Variants in CCDC18 observed in about 807,000 individuals in gnomAD.
CCDC18 encodes the protein coiled-coil domain containing 18.
CCDC18 carries 157 observed loss-of-function variants against 196.0 expected under a neutral mutation model. The observed-to-expected ratio is 0.80, with a 90% CI of 0.70 to 0.91. The LOEUF (loss-of-function observed/expected upper bound fraction) is 0.91, where lower values mean the gene tolerates loss of function less well. Ranked by LOEUF, CCDC18 falls within the 40% of genes least tolerant of loss-of-function variation. CCDC18 has a pLI of 0.00. For synonymous variants in CCDC18, 482 were observed against 529.2 expected (o/e 0.91, Z 1.22); for missense variants, 1,465 against 1,611.6 (o/e 0.91, Z 1.56).
chr1:93,206,609 CTTG>C (rs2101911425), intron 8 of CCDC18, among the ~76,000 whole-genome samples: 1 of 152,154 alleles, frequency 6.6e-6, no homozygotes, highest in South Asian at 2.1e-4. Context: ...GCCATTAAGA[CTTG>C]TTGATGCAGT....
At chr1:93,220,494 T>C (rs1370848349) in intron 14 of CCDC18, among the ~76,000 whole-genome samples, 1 of 152,112 alleles carries the variant, frequency 6.6e-6, no homozygotes, top group Non-Finnish European at 1.5e-5. Context: ...TTTTATAATA[T>C]CTATGGCAGT....
rs922072891 is a variant in CCDC18, at chr1:93,183,577, TG to T, written c.134+83del. The T allele has an allele frequency of 1.4e-4, 136 of 1,003,540 alleles. No individual in the cohort carries two copies. The African/African-American group carries it at 2.0e-3, about 15-fold the overall frequency. 62.2% of individuals were successfully genotyped at this position (1,003,540 alleles called of 1,614,324 possible). Reference sequence around the variant, plus strand: ...ATGTGTGGATTTCATTATGATGTATTGTTTCTAACCTGCCTCTGGAATAAGA... The same window carrying T: ...ATGTGTGGATTTCATTATGATGTATTTTTCTAACCTGCCTCTGGAATAAGA... On this transcript the variant is annotated intron_variant, in intron 2 of 28. Transcript: ENST00000690025.
chr1:93,217,900 T>C, intron 14 of CCDC18, 31 bp downstream of exon 14: 1 of 1,555,162 alleles, frequency 6.4e-7, no homozygotes, highest in Non-Finnish European at 8.8e-7. Flanking sequence ...ATATGAGTGC[T>C]GAAAAGAAAC....
intron 3 of CCDC18, among the ~76,000 whole-genome samples, chr1:93,185,575 TA>T (rs147414812): frequency 0.03 from 4,412 of 149,086 alleles, 218 homozygotes; most frequent in African/African-American, 0.1. Context: ...ATTGTTCAAG[TA>T]AAAAAAAAAT....
Position 93,236,151 on chromosome 1 carries a change from T to C in CCDC18, c.2461-97T>C, listed in dbSNP as rs910746931. 2.6e-5 allele frequency: 27 copies of C among 1,021,248 alleles called. No homozygotes were observed. In the African/African-American group the frequency reaches 3.7e-4, roughly 14 times the overall value. The allele number at this position is 1,021,248 out of a possible 1,614,324, so 63.3% of individuals were successfully genotyped here. A position where few individuals can be genotyped will look rare whatever the true frequency, so the allele number is the denominator to read the frequency against. On this transcript the variant is annotated intron_variant, in intron 18 of 28. Coordinates refer to ENST00000690025, the MANE Select transcript of CCDC18 (RefSeq NM_001378204.1). ...ATTACTTCTTGGTCTATATGTTGATTTTTATGATACATCTTGAAACTGATA... is the reference window on the plus strand; with the variant it reads ...ATTACTTCTTGGTCTATATGTTGATCTTTATGATACATCTTGAAACTGATA...
At chr1:93,256,609 AAT>A in intron 25 of CCDC18, 71 bp downstream of exon 25, 1 of 1,234,470 alleles carries the variant, frequency 8.1e-7, no homozygotes, top group South Asian at 1.3e-5. Context: ...TGAACTGTAG[AAT>A]ATAGTTCTTT....
chr1:93,263,028 G>A lies in CCDC18; in HGVS notation c.3685-1673G>A, dbSNP rs187304233. 3.3e-5 allele frequency among the ~76,000 whole-genome samples: 5 copies of A among 152,222 alleles called. No individual in the cohort carries two copies. In the East Asian group the frequency reaches 7.7e-4, roughly 24 times the overall value. On this transcript the variant is annotated intron_variant, in intron 26 of 28. Transcript: ENST00000690025. ...GAAGCAATGGTCTGAGCTGTACCTT[G>A]ACCCCTTTTAGCCATGGGTGGAGCT...
In CCDC18 at chr1:93,221,693, AAAC is replaced by A. The variant is rs760719611; in HGVS notation, c.2052_2054del (p.Gln684del). ...CATGTTGCAACAAGATATAATATGC[AAAC>A]AACATCATCTTGAATCACTAGATAG... On this transcript the variant is annotated inframe_deletion, in exon 15 of 29. Coordinates refer to ENST00000690025, the MANE Select transcript of CCDC18 (RefSeq NM_001378204.1). The A allele has an allele frequency of 8.1e-6, 13 of 1,596,764 alleles. No individual in the cohort carries two copies. The highest frequency in any genetic ancestry group is 1.1e-5 in the Non-Finnish European group (13 of 1,175,050).
At chr1:93,224,159 T>A (rs1657923706) in intron 16 of CCDC18, among the ~76,000 whole-genome samples, 2 of 152,204 alleles carry the variant, frequency 1.3e-5, no homozygotes, top group Non-Finnish European at 2.9e-5. Context: ...ATTCACTCTC[T>A]GTTAAACTCT....
At chr1:93,216,935 C>CTATTTT (rs781629982) in intron 13 of CCDC18, among the ~76,000 whole-genome samples, 189 bp downstream of exon 13, 1 of 132,770 alleles carries the variant, frequency 7.5e-6, no homozygotes, top group African/African-American at 2.9e-5. Context: ...CAAGTTTTCT[C>CTATTTT]TTTTTTTTTT....
At chr1:93,245,041 T>A (rs1234465215) in intron 21 of CCDC18, among the ~76,000 whole-genome samples, 1 of 152,208 alleles carries the variant, frequency 6.6e-6, no homozygotes, top group African/African-American at 2.4e-5. Context: ...CTTACTTAGG[T>A]GTCTGTCTTT....
At chr1:93,266,025 A>G (rs980480669) in intron 27 of CCDC18, among the ~76,000 whole-genome samples, 4 of 152,228 alleles carry the variant, frequency 2.6e-5, no homozygotes, top group African/African-American at 9.6e-5. Flanking sequence ...TTCTGCCAAA[A>G]TTGACCACAT....
At chr1:93,236,503 A>G in intron 19 of CCDC18, 113 bp downstream of exon 19, 1 of 977,924 alleles carries the variant, frequency 1.0e-6, no homozygotes, top group South Asian at 1.7e-5. Flanking sequence ...ATGTCTCCAT[A>G]GTCTGTGTTC....
Position 93,249,182 on chromosome 1 carries a change from T to C in CCDC18, c.3198+2228T>C, listed in dbSNP as rs138761828. Among the ~76,000 whole-genome samples, 12 of 152,270 alleles carry C rather than the reference T, an allele frequency of 7.9e-5. No homozygotes were observed. In the East Asian group the frequency reaches 1.7e-3, roughly 22 times the overall value. ...ATTCAAGTTTTCTGTTTCTTCATGG[T>C]TCAATCTCAGTAGGTTGTGTGGGTC... On this transcript the variant is annotated intron_variant, in intron 23 of 28. Transcript: ENST00000690025.
intron 28 of CCDC18, chr1:93,273,716 CTACT>C (rs1162961272): frequency 6.6e-6 from 1 of 152,178 alleles, no homozygotes; most frequent in Non-Finnish European, 1.5e-5. Context: ...AACCTCTGCT[CTACT>C]CCAGTGACCC....
chr1:93,179,965 C>T, upstream of CCDC18: 1 of 1,380,100 alleles, frequency 7.2e-7, no homozygotes, highest in Non-Finnish European at 9.9e-7. Flanking sequence ...CCACCAGGGC[C>T]GTCCACCAGA....
intron 5 of CCDC18, 44 bp downstream of exon 5, chr1:93,192,150 ATACATT>A (rs755021227): frequency 2.4e-6 from 3 of 1,257,624 alleles, no homozygotes; most frequent in Non-Finnish European, 3.5e-6. Flanking sequence ...TTTTCTACTT[ATACATT>A]TTATTATATC....
chr1:93,259,885 GT>G (rs375334271), intron 26 of CCDC18, among the ~76,000 whole-genome samples: 6 of 152,232 alleles, frequency 3.9e-5, no homozygotes, highest in African/African-American at 1.4e-4. Flanking sequence ...CCTCTGTTCT[GT>G]TTTTAAGTAT....
At chr1:93,266,848 T>C (rs780884748) in intron 27 of CCDC18, among the ~76,000 whole-genome samples, 110 of 152,152 alleles carry the variant, frequency 7.2e-4, no homozygotes, top group Non-Finnish European at 2.8e-4. Flanking sequence ...GATTCATAGC[T>C]GAATTCTACC....
Sources: gnomAD v4.1 joint callset for allele counts (sites outside exome capture counted in the v4.1 genomes callset) on GRCh38, gnomAD v4.1.1 for gene constraint, MANE v1.5 for transcripts, NCBI Gene and HGNC (gene_info 2026-07-23, HGNC 2026-07-21) for gene names.